Variants in WWP2 observed in about 807,000 individuals in gnomAD.
WWP2 encodes the protein WW domain containing E3 ubiquitin protein ligase 2, also known as NEDD4-like E3 ubiquitin-protein ligase WWP2.
In WWP2, 57 loss-of-function variants were observed where a neutral mutation model predicts 121.0. That is an observed-to-expected ratio of 0.47 (90% CI 0.38 to 0.59). The LOEUF is 0.59. Ranked by LOEUF, WWP2 falls within the 20% of genes least tolerant of loss-of-function variation. The pLI, the probability that WWP2 is intolerant of heterozygous loss-of-function variation, is 0.00. For synonymous variants in WWP2, 449 were observed against 441.3 expected (o/e 1.02, Z -0.22); for missense variants, 962 against 1,158.9 (o/e 0.83, Z 2.47).
chr16:69,779,328 T>G (rs2055614416), intron 1 of WWP2, among the ~76,000 whole-genome samples: 1 of 152,116 alleles, frequency 6.6e-6, no homozygotes, highest in Non-Finnish European at 1.5e-5. Context: ...AATGTCAGGG[T>G]GGTATCTTGC....
At chr16:69,869,349 CTT>C (rs113948249) in intron 6 of WWP2, among the ~76,000 whole-genome samples, 5 of 141,206 alleles carry the variant, frequency 3.5e-5, no homozygotes, top group South Asian at 2.2e-4. Flanking sequence ...CCTTTTTCTC[CTT>C]TTTTTTTTTT....
chr16:69,763,922 C>G (rs939588521), intron 1 of WWP2, among the ~76,000 whole-genome samples: 8 of 152,198 alleles, frequency 5.3e-5, no homozygotes, highest in African/African-American at 1.7e-4. Context: ...TGTCATTGGT[C>G]CATATGAAAA....
At chr16:69,771,047 A>G (rs2151767656) in intron 1 of WWP2, among the ~76,000 whole-genome samples, 1 of 151,828 alleles carries the variant, frequency 6.6e-6, no homozygotes, top group South Asian at 2.1e-4. Context: ...TTTCCTCTCC[A>G]TCCTCTCAGT....
At chr16:69,833,030 T>C (rs2056819625) in intron 4 of WWP2, among the ~76,000 whole-genome samples, 2 of 152,172 alleles carry the variant, frequency 1.3e-5, no homozygotes, top group African/African-American at 4.8e-5. Flanking sequence ...ATTATTTTAT[T>C]TTATTTTTTA....
chr16:69,841,135 T>C (rs1240658614), intron 5 of WWP2, among the ~76,000 whole-genome samples: 1 of 152,260 alleles, frequency 6.6e-6, no homozygotes, highest in Non-Finnish European at 1.5e-5. Flanking sequence ...CCTAGCCAGA[T>C]GGCAGTGGGC....
At chr16:69,867,227 A>C (rs2057543253) in intron 6 of WWP2, among the ~76,000 whole-genome samples, 1 of 151,918 alleles carries the variant, frequency 6.6e-6, no homozygotes, top group South Asian at 2.1e-4. Flanking sequence ...GACAATGGTC[A>C]GCGAGGCTGC....
At chr16:69,929,170 C>T (rs1164367804) in intron 11 of WWP2, among the ~76,000 whole-genome samples, 1 of 152,100 alleles carries the variant, frequency 6.6e-6, no homozygotes, top group African/African-American at 2.4e-5. Context: ...TCTGGGTGGC[C>T]ACACCACCCC....
At chr16:69,890,633 G>A (rs938176501) in intron 8 of WWP2, among the ~76,000 whole-genome samples, 3 of 152,124 alleles carry the variant, frequency 2.0e-5, no homozygotes, top group Non-Finnish European at 4.4e-5. Context: ...TCCGCTGAGC[G>A]AATGCCTGGA....
Position 69,840,252 on chromosome 16 carries a change from C to T in WWP2, c.467C>T (p.Ala156Val). 6.2e-7 allele frequency: 1 copy of T among 1,614,128 alleles called. No individual in the cohort carries two copies. The highest frequency in any genetic ancestry group is 1.1e-5 in the South Asian group (1 of 91,084). The change falls in exon 5 of 24, where the codon GCC becomes GTC. Residue 156 changes from alanine to valine, a missense_variant. Around this residue, in one of 3 missense-constraint regions of WWP2, gnomAD observed 211 missense variants for 196.5 expected, o/e 1.07. Coordinates refer to ENST00000359154, the MANE Select transcript of WWP2 (RefSeq NM_001270454.2). ...VDLGNVPNGS[A>V]LTDGSQLPSR... ...CTGGGAAATGTGCCTAATGGCAGTGCCCTGACAGATGGTGAGTGCCGCCCT... is the reference window on the plus strand; with the variant it reads ...CTGGGAAATGTGCCTAATGGCAGTGTCCTGACAGATGGTGAGTGCCGCCCT...
chr16:69,818,308 A>G (rs893136089), intron 4 of WWP2, among the ~76,000 whole-genome samples: 10 of 151,946 alleles, frequency 6.6e-5, no homozygotes, highest in Admixed American at 5.9e-4. Context: ...CCCGGGTTCA[A>G]GCAATTCTCC....
At chr16:69,877,722 G>GGTATAAGGAGAGAGAGAGAGA (rs1156531720) in intron 7 of WWP2, among the ~76,000 whole-genome samples, 1 of 150,862 alleles carries the variant, frequency 6.6e-6, no homozygotes, top group East Asian at 1.9e-4. Context: ...GCCAATGTAG[G>GGTATAAGGAGAGAGAGAGAGA]GTATAAGGAG....
intron 9 of WWP2, chr16:69,909,268 G>T (rs2058346182): frequency 9.1e-6 from 9 of 991,236 alleles, no homozygotes; most frequent in Non-Finnish European, 1.1e-5. Context: ...GTCTGCCAGG[G>T]ACAGAAAGTT....
chr16:69,841,872 C>T (rs1458324079), intron 5 of WWP2, 152 bp from the exon 6 acceptor site: 2 of 686,104 alleles, frequency 2.9e-6, no homozygotes, highest in Admixed American at 2.4e-5. Context: ...TGTTCCTCTT[C>T]TCCTGGTGGC....
intron 4 of WWP2, among the ~76,000 whole-genome samples, chr16:69,835,830 TCTTG>T (rs1425925370): frequency 6.9e-6 from 1 of 144,628 alleles, no homozygotes; most frequent in African/African-American, 2.6e-5. Flanking sequence ...TGAGACAGAG[TCTTG>T]CTCTGTTGCC....
chr16:69,804,955 C>T (rs1471919463), intron 4 of WWP2, among the ~76,000 whole-genome samples: 1 of 151,824 alleles, frequency 6.6e-6, no homozygotes, highest in Non-Finnish European at 1.5e-5. Flanking sequence ...TGGTAAATGG[C>T]TGTTTCTGCA....
rs1330302815 is a variant in WWP2, at chr16:69,917,747, A to G, written c.1043A>G (p.Tyr348Cys). The change falls in exon 10 of 24, where the codon TAT becomes TGT. Residue 348 changes from tyrosine (Y) to cysteine (C), a missense_variant. Coordinates refer to ENST00000359154, the MANE Select transcript of WWP2 (RefSeq NM_001270454.2). ...KRTDPRGRFY[Y>C]VDHNTRTTTW... The stretch of plus-strand genomic sequence containing the variant: ...ACAGATCCCCGAGGCAGGTTTTACT[A>G]TGTGGATCACAATACTCGGACCACC... The G allele has an allele frequency of 6.2e-7, 1 of 1,611,690 alleles. No individual in the cohort carries two copies. Among genetic ancestry groups the G allele is most frequent in the Admixed American group, 1.7e-5 (1 of 59,980 alleles).
chr16:69,850,960 C>T (rs970676344), intron 6 of WWP2, among the ~76,000 whole-genome samples: 4 of 151,764 alleles, frequency 2.6e-5, no homozygotes, highest in African/African-American at 9.7e-5. Context: ...TGCATTGACA[C>T]ATCATTGTCA....
At chr16:69,849,606 A>G (rs1567377764) in intron 6 of WWP2, among the ~76,000 whole-genome samples, 1 of 152,128 alleles carries the variant, frequency 6.6e-6, no homozygotes, top group Non-Finnish European at 1.5e-5. Flanking sequence ...TAGGATTGAG[A>G]CAGTGGTCAA....
At chr16:69,860,145 C>CT (rs2057389404) in intron 6 of WWP2, among the ~76,000 whole-genome samples, 1 of 151,614 alleles carries the variant, frequency 6.6e-6, no homozygotes, top group South Asian at 2.1e-4. Context: ...AGACCCCCAT[C>CT]GCTATAAAAA....
Sources: allele counts gnomAD v4.1 joint callset (sites outside exome capture counted in the v4.1 genomes callset), GRCh38; gene constraint gnomAD v4.1.1; regional missense constraint gnomAD v4.1.1; transcripts MANE v1.5; gene names NCBI Gene and HGNC (gene_info 2026-07-23, HGNC 2026-07-21).